ADNP2: variants seen among roughly 807,000 people sequenced by gnomAD.
ADNP2 encodes ADNP homeobox 2, also known as activity-dependent neuroprotector homeobox protein 2.
Under a neutral mutation model 16.4 loss-of-function variants are expected in ADNP2, and 8 were observed. The observed-to-expected ratio is 0.49, with a 90% CI of 0.29 to 0.88. The LOEUF is 0.88. Among genes scored for constraint, ADNP2 ranks in the 40% least tolerant of loss-of-function variants. The probability of loss-of-function intolerance (pLI) is 0.09; values close to 1 mark genes in which losing one functional copy is unlikely to be tolerated. For missense variants in ADNP2, 1,397 were observed against 1,395.1 expected (o/e 1.00, Z -0.02); for synonymous variants, 637 against 545.8 (o/e 1.17, Z -2.33).
rs749029331 is a variant in ADNP2 at position 80,138,562 on chromosome 18, C to G, written c.3149C>G (p.Ser1050Cys). The change falls in exon 4 of 4, where the codon TCT becomes TGT. Residue 1050 changes from serine (S) to cysteine (C), a missense_variant. By Grantham distance (112) the Ser-to-Cys change is moderately radical. This residue lies in a region of ADNP2 where 611 missense variants were observed against 648.7 expected (regional missense o/e 0.94). Transcript: ENST00000262198. Reference sequence around the variant, plus strand: ...GATCCTAAAAAATATGAAGGCCGTTCTTATGAAGAAAAGAAGCAATTTCTT... The same window carrying G: ...GATCCTAAAAAATATGAAGGCCGTTGTTATGAAGAAAAGAAGCAATTTCTT... ...ALDPKKYEGR[S>C]YEEKKQFLKD... 3 of 1,610,512 alleles carry G rather than the reference C, an allele frequency of 1.9e-6. No homozygotes were observed. In the South Asian group the frequency reaches 3.3e-5, roughly 18 times the overall value.
intron 2 of ADNP2, among the ~76,000 whole-genome samples, chr18:80,132,628 CTT>C (rs915102427): frequency 3.3e-5 from 5 of 150,832 alleles, no homozygotes; most frequent in Non-Finnish European, 7.4e-5. Context: ...TCTTTTTTCT[CTT>C]TCTCTCTTTT....
chr18:80,125,703 C>T (rs1261347101), intron 2 of ADNP2, among the ~76,000 whole-genome samples: 2 of 151,576 alleles, frequency 1.3e-5, no homozygotes, highest in Middle Eastern at 3.4e-3. Flanking sequence ...GTCAGGTACT[C>T]GGGAGGCTGA....
chr18:80,120,498 A>AT (rs930356409), intron 2 of ADNP2, among the ~76,000 whole-genome samples: 15 of 150,524 alleles, frequency 1.0e-4, no homozygotes, highest in Admixed American at 2.6e-4. Flanking sequence ...CACCTGGGTA[A>AT]TTTTTTTTTG....
At chr18:80,123,932 G>A (rs1004098813) in intron 2 of ADNP2, among the ~76,000 whole-genome samples, 4 of 152,004 alleles carry the variant, frequency 2.6e-5, no homozygotes, top group African/African-American at 4.8e-5. Context: ...GTTTCACCAT[G>A]TTGGCCAGGC....
At chr18:80,118,791 T>C (rs554148369) in intron 2 of ADNP2, among the ~76,000 whole-genome samples, 56 of 152,316 alleles carry the variant, frequency 3.7e-4, no homozygotes, top group African/African-American at 8.2e-4. Flanking sequence ...TACTTTTTTT[T>C]CCCAAGACTT....
At chr18:80,110,833 C>T (rs1253071972) in intron 1 of ADNP2, among the ~76,000 whole-genome samples, 3 of 152,084 alleles carry the variant, frequency 2.0e-5, no homozygotes, top group African/African-American at 7.2e-5. Flanking sequence ...GAAGATGAGA[C>T]AAGAGGTTGT....
At chr18:80,130,744 C>T (rs541603945) in intron 2 of ADNP2, among the ~76,000 whole-genome samples, 1 of 149,346 alleles carries the variant, frequency 6.7e-6, no homozygotes, top group Non-Finnish European at 1.5e-5. Context: ...GCCCCCGCCC[C>T]CCCGCCCACG....
intron 1 of ADNP2, among the ~76,000 whole-genome samples, chr18:80,110,440 C>G (rs919476874): frequency 1.8e-4 from 27 of 151,984 alleles, no homozygotes; most frequent in Admixed American, 5.2e-4. Context: ...GGAGGAGAAA[C>G]TGGTAAGCAG....
Position 80,135,953 on chromosome 18 carries a change from C to T in ADNP2, c.540C>T (p.His180=), listed in dbSNP as rs1490027093. 5.6e-6 allele frequency: 9 copies of T among 1,614,210 alleles called. No individual in the cohort carries two copies. The South Asian group carries it at 8.8e-5, about 16-fold the overall frequency. Residue 180 remains histidine (H), a synonymous_variant, in exon 4 of 4, where the codon CAC becomes CAT. Coordinates refer to ENST00000262198, the MANE Select transcript of ADNP2 (RefSeq NM_014913.4). Reference sequence around the variant, plus strand: ...AGCATGTGCTGGTAGCCCATTTTCACTACTTAATTAACTCCTACTTTGGCC... The same window carrying T: ...AGCATGTGCTGGTAGCCCATTTTCATTACTTAATTAACTCCTACTTTGGCC... ...MKKHVLVAHF[H]YLINSYFGLR... is the part of the protein sequence containing the mutation.
At chr18:80,119,031 T>C (rs2052407168) in intron 2 of ADNP2, among the ~76,000 whole-genome samples, 2 of 152,144 alleles carry the variant, frequency 1.3e-5, no homozygotes, top group Admixed American at 1.3e-4. Context: ...CGTAAACCAT[T>C]ACCCTGAAAT....
chr18:80,127,507 C>G (rs2052467931), intron 2 of ADNP2, among the ~76,000 whole-genome samples: 1 of 152,064 alleles, frequency 6.6e-6, no homozygotes, highest in Non-Finnish European at 1.5e-5. Context: ...GTGCAATTTA[C>G]CATCCATCTT....
Position 80,109,269 on chromosome 18 carries a change from C to T in ADNP2, c.-217C>T, listed in dbSNP as rs2052340063. On this transcript the variant is annotated 5_prime_UTR_variant, in exon 1 of 4. Coordinates refer to ENST00000262198, the MANE Select transcript of ADNP2 (RefSeq NM_014913.4). ...ACGTCACTTCCTGAGGCCAATCGAG[C>T]GCCATTTTCTCTTTCTGGCTGCGCG... 1 of 152,056 alleles carries T rather than the reference C, an allele frequency of 6.6e-6. No individual in the cohort carries two copies. Among genetic ancestry groups the T allele is most frequent in the African/African-American group, 2.4e-5 (1 of 41,438 alleles). 9.4% of individuals were successfully genotyped at this position (152,056 alleles called of 1,614,324 possible). A position where few individuals can be genotyped will look rare whatever the true frequency, so the allele number is the denominator to read the frequency against.
chr18:80,113,330 T>G (rs1450919620), intron 1 of ADNP2, among the ~76,000 whole-genome samples: 1 of 152,208 alleles, frequency 6.6e-6, no homozygotes, highest in Non-Finnish European at 1.5e-5. Flanking sequence ...TTTATCCGCT[T>G]CAAAACAGCT....
chr18:80,138,826 A>AG lies in ADNP2; in HGVS notation c.*17_*18insG. On this transcript the variant is annotated 3_prime_UTR_variant, in exon 4 of 4. Transcript: ENST00000262198. ...GAACCATAAAACTTGCAAAAAAAAA[A>AG]AAAAGTAACTCTAAAGTAGTAGGTA... 1 of 1,488,360 alleles carries AG rather than the reference A, an allele frequency of 6.7e-7. No individual in the cohort carries two copies. Among genetic ancestry groups the AG allele is most frequent in the Non-Finnish European group, 8.9e-7 (1 of 1,123,678 alleles). 92.2% of individuals were successfully genotyped at this position (1,488,360 alleles called of 1,614,324 possible).
rs1337905053 is a variant in ADNP2, at chr18:80,137,957, C to T, written c.2544C>T (p.His848=). 1 of 1,613,282 alleles carries T rather than the reference C, an allele frequency of 6.2e-7. No individual in the cohort carries two copies. Among genetic ancestry groups the T allele is most frequent in the African/African-American group, 1.3e-5 (1 of 75,048 alleles). ...ACTTGGCAATCCTGGCTGGGATACA[C>T]TCCAAGTCACTGGTGCCTGTGTATG... The part of the protein sequence containing the change: ...EVYLAILAGI[H]SKSLVPVYVK... The change falls in exon 4 of 4, where the codon CAC becomes CAT. Residue 848 remains histidine (H), a synonymous_variant. Coordinates refer to ENST00000262198, the MANE Select transcript of ADNP2 (RefSeq NM_014913.4). The surrounding 1 kb of genome is among the most constrained non-coding windows in gnomAD (Gnocchi z 4.2).
At position 80,138,884 on chromosome 18, in the gene ADNP2, C is replaced by T; in HGVS notation, c.*75C>T. 1 of 1,320,740 alleles carries T rather than the reference C, an allele frequency of 7.6e-7. No individual in the cohort carries two copies. The highest frequency in any genetic ancestry group is 1.0e-6 in the Non-Finnish European group (1 of 997,404). The allele number at this position is 1,320,740 out of a possible 1,614,324, so 81.8% of individuals were successfully genotyped here. A position where few individuals can be genotyped will look rare whatever the true frequency, so the allele number is the denominator to read the frequency against. On this transcript the variant is annotated 3_prime_UTR_variant, in exon 4 of 4. Coordinates refer to ENST00000262198, the MANE Select transcript of ADNP2 (RefSeq NM_014913.4). ...TTCAGTTGAAATTTCACAGTGTTGT[C>T]CTCACTGTGTTGGTGAATCAACCTC...
At position 80,139,994 on chromosome 18, in the gene ADNP2, A is replaced by G. The variant is rs2052570608; in HGVS notation, c.*1185A>G. The G allele has an allele frequency of 1.3e-5, 2 of 152,156 alleles. No individual in the cohort carries two copies. Among genetic ancestry groups the G allele is most frequent in the Admixed American group, 6.5e-5 (1 of 15,280 alleles). 9.4% of individuals were successfully genotyped at this position (152,156 alleles called of 1,614,324 possible). Reference sequence around the variant, plus strand: ...TGTTAAACCTCGTTTTTTTCCCCACACGATATTAAAACTTAAAGCACCAGA... The same window carrying G: ...TGTTAAACCTCGTTTTTTTCCCCACGCGATATTAAAACTTAAAGCACCAGA... On this transcript the variant is annotated 3_prime_UTR_variant, in exon 4 of 4. Transcript: ENST00000262198.
At chr18:80,131,758 C>T (rs1010583954) in intron 2 of ADNP2, among the ~76,000 whole-genome samples, 1 of 146,846 alleles carries the variant, frequency 6.8e-6, no homozygotes, top group East Asian at 2.1e-4. Context: ...GACAGAAAAC[C>T]AAACACTGCA....
chr18:80,119,079 A>T (rs908578737), intron 2 of ADNP2, among the ~76,000 whole-genome samples: 5 of 152,222 alleles, frequency 3.3e-5, no homozygotes, highest in Non-Finnish European at 1.5e-5. Context: ...ATAGATTTTT[A>T]AAAACGGGAT....
Sources: gnomAD v4.1 joint callset for allele counts (sites outside exome capture counted in the v4.1 genomes callset) on GRCh38, gnomAD v4.1.1 for gene constraint, gnomAD v4.1.1 regional missense constraint, Gnocchi (gnomAD v3.1) non-coding constraint, MANE v1.5 for transcripts, NCBI Gene and HGNC (gene_info 2026-07-23, HGNC 2026-07-21) for gene names.